Variants in TTC28 observed in about 807,000 individuals in gnomAD.
TTC28 encodes the protein tetratricopeptide repeat protein 28.
TTC28 carries 61 observed loss-of-function variants against 198.0 expected under a neutral mutation model. The observed-to-expected ratio is 0.31, with a 90% confidence interval of 0.25 to 0.38. The LOEUF is 0.38. TTC28 is among the 10% of genes least tolerant of loss of function. The pLI, the probability that TTC28 is intolerant of heterozygous loss-of-function variation, is 1.00. For synonymous variants in TTC28, 1,171 were observed against 1,297.8 expected (o/e 0.90, Z 2.10); for missense variants, 2,678 against 3,164.0 (o/e 0.85, Z 3.69).
chr22:28,107,689 T>C lies in TTC28; in HGVS notation c.2156A>G (p.Asn719Ser). Residue 719 changes from asparagine (N) to serine (S), a missense_variant, in exon 7 of 23, where the codon AAC becomes AGC. Coordinates refer to ENST00000397906, the MANE Select transcript of TTC28 (RefSeq NM_001145418.2). ...TTTACAGATGAATATATCGCCCAGGTTTCCTAGGGCTCGAAATTTAGCCTG... is the reference window on the plus strand; with the variant it reads ...TTTACAGATGAATATATCGCCCAGGCTTCCTAGGGCTCGAAATTTAGCCTG... ...NSQAKFRALG[N>S]LGDIFICKKD... The C allele has an allele frequency of 6.4e-7, 1 of 1,551,770 alleles. No homozygotes were observed. The highest frequency in any genetic ancestry group is 8.7e-7 in the Non-Finnish European group (1 of 1,146,990).
intron 5 of TTC28, among the ~76,000 whole-genome samples, chr22:28,213,896 T>G (rs1210409986): frequency 6.6e-6 from 1 of 152,156 alleles, no homozygotes; most frequent in Non-Finnish European, 1.5e-5. Flanking sequence ...AAGGCTACAG[T>G]AATCAAAACA....
chr22:28,601,890 C>T (rs1281519940), intron 2 of TTC28, among the ~76,000 whole-genome samples: 1 of 151,746 alleles, frequency 6.6e-6, no homozygotes, highest in East Asian at 1.9e-4. Context: ...TATTCTAATG[C>T]CAACTCCTAT....
At chr22:28,439,419 A>G (rs1484327278) in intron 2 of TTC28, among the ~76,000 whole-genome samples, 1 of 152,236 alleles carries the variant, frequency 6.6e-6, no homozygotes, top group African/African-American at 2.4e-5. Context: ...TCTGGCTAAC[A>G]TTCATTTATT....
chr22:28,187,002 T>A (rs1266580690), intron 5 of TTC28, among the ~76,000 whole-genome samples: 1 of 152,176 alleles, frequency 6.6e-6, no homozygotes, highest in Non-Finnish European at 1.5e-5. Flanking sequence ...ATTTTATAGG[T>A]CAAAACAGTG....
intron 2 of TTC28, among the ~76,000 whole-genome samples, chr22:28,452,803 A>G (rs182528402): frequency 7.3e-4 from 111 of 152,304 alleles, no homozygotes; most frequent in Non-Finnish European, 2.4e-4. Context: ...ATATCTCATG[A>G]CAGCAACCAA....
At position 28,096,319 on chromosome 22, in the gene TTC28, CTTG is replaced by C. The variant is rs911154641; in HGVS notation, c.3634_3636del (p.Gln1212del). On this transcript the variant is annotated inframe_deletion, in exon 11 of 23. Coordinates refer to ENST00000397906, the MANE Select transcript of TTC28 (RefSeq NM_001145418.2). The stretch of plus-strand genomic sequence containing the variant: ...GTGACTGGGGAGTAGGGGTCGGAGT[CTTG>C]TTGTCCTGTTTGTCGTTCCACCAGA... 1.5e-5 allele frequency: 23 copies of C among 1,551,874 alleles called. No individual in the cohort carries two copies. Among genetic ancestry groups the C allele is most frequent in the South Asian group, 5.9e-5 (5 of 84,056 alleles).
At chr22:28,165,487 A>G (rs573984495) in intron 5 of TTC28, among the ~76,000 whole-genome samples, 18 of 151,412 alleles carry the variant, frequency 1.2e-4, no homozygotes, top group Admixed American at 9.2e-4. Context: ...CTCAGGACAG[A>G]AACTCTACAA....
At chr22:28,637,194 T>C (rs1042700850) in intron 1 of TTC28, among the ~76,000 whole-genome samples, 3 of 152,056 alleles carry the variant, frequency 2.0e-5, no homozygotes, top group African/African-American at 7.2e-5. Context: ...GTATTTTTAG[T>C]AGAGACAGGG....
At chr22:28,361,105 T>C (rs1381774360) in intron 2 of TTC28, among the ~76,000 whole-genome samples, 1 of 152,176 alleles carries the variant, frequency 6.6e-6, no homozygotes, top group Non-Finnish European at 1.5e-5. Context: ...AGCCAAGTAA[T>C]AACCCTATAA....
intron 17 of TTC28, among the ~76,000 whole-genome samples, chr22:27,993,960 A>G (rs1937504795): frequency 6.6e-6 from 1 of 152,028 alleles, no homozygotes; most frequent in South Asian, 2.1e-4. Context: ...CTTCTTCCCC[A>G]TTCTTCCCAC....
chr22:28,082,492 T>C (rs1033799993), intron 12 of TTC28, among the ~76,000 whole-genome samples: 1 of 152,232 alleles, frequency 6.6e-6, no homozygotes, highest in Non-Finnish European at 1.5e-5. Flanking sequence ...CTTTTCTGCA[T>C]CAACTCAAAT....
chr22:28,310,168 A>G (rs1254600273), intron 2 of TTC28, among the ~76,000 whole-genome samples: 1 of 137,948 alleles, frequency 7.2e-6, no homozygotes, highest in Non-Finnish European at 1.5e-5. Context: ...ACACACACAC[A>G]CACACAAAAA....
intron 6 of TTC28, among the ~76,000 whole-genome samples, chr22:28,125,974 T>G (rs1166958240): frequency 1.3e-5 from 2 of 152,042 alleles, no homozygotes; most frequent in African/African-American, 4.8e-5. Context: ...CCTTAGAGGA[T>G]CTGGAAAAAA....
intron 5 of TTC28, among the ~76,000 whole-genome samples, chr22:28,246,689 G>A (rs1470913181): frequency 1.3e-5 from 2 of 152,008 alleles, no homozygotes. Context: ...GGATCAACGG[G>A]GCTAAGTAAC....
intron 2 of TTC28, among the ~76,000 whole-genome samples, chr22:28,508,609 ATGAT>A (rs1371958980): frequency 6.6e-6 from 1 of 152,100 alleles, no homozygotes; most frequent in East Asian, 1.9e-4. Context: ...TAAACCAACA[ATGAT>A]CAAAAAAAAG....
intron 2 of TTC28, among the ~76,000 whole-genome samples, chr22:28,410,174 G>A (rs1158831715): frequency 6.6e-6 from 1 of 152,072 alleles, no homozygotes; most frequent in African/African-American, 2.4e-5. Flanking sequence ...TGCCCACCTC[G>A]GCTTCTCAAA....
intron 2 of TTC28, among the ~76,000 whole-genome samples, chr22:28,559,635 T>C (rs998578430): frequency 2.0e-5 from 3 of 152,222 alleles, no homozygotes; most frequent in Non-Finnish European, 4.4e-5. Flanking sequence ...ATAACCAAAG[T>C]GGTCTTTCTT....
At chr22:28,095,770 T>TA (rs1479730840) in intron 11 of TTC28, among the ~76,000 whole-genome samples, 8 of 152,238 alleles carry the variant, frequency 5.3e-5, no homozygotes, top group African/African-American at 1.9e-4. Context: ...TAACCTGTGA[T>TA]AGAGCTGCCA....
chr22:28,207,949 T>C (rs1328613089), intron 5 of TTC28, among the ~76,000 whole-genome samples: 1 of 152,098 alleles, frequency 6.6e-6, no homozygotes, highest in Non-Finnish European at 1.5e-5. Flanking sequence ...CTCAAGAAGC[T>C]GTGCACCCTG....
Sources: allele counts gnomAD v4.1 joint callset (sites outside exome capture counted in the v4.1 genomes callset), GRCh38; gene constraint gnomAD v4.1.1; transcripts MANE v1.5; gene names NCBI Gene and HGNC (gene_info 2026-07-23, HGNC 2026-07-21).